DGKA: variants seen among roughly 807,000 people sequenced by gnomAD.
DGKA encodes diacylglycerol kinase alpha, also known as 80 kDa diacylglycerol kinase.
In DGKA, 35 loss-of-function variants were observed where a neutral mutation model predicts 105.0. The ratio of observed to expected loss-of-function variants is 0.33; its 90% CI spans 0.25 to 0.44. The LOEUF (loss-of-function observed/expected upper bound fraction) is 0.44. DGKA is among the 20% of genes least tolerant of loss of function. The pLI, the probability that DGKA is intolerant of heterozygous loss-of-function variation, is 1.00. For synonymous variants in DGKA, 296 were observed against 332.0 expected, an observed-to-expected ratio of 0.89 and a Z score of 1.18; for missense variants, 665 against 915.0, an observed-to-expected ratio of 0.73 and a Z score of 3.53.
Position 55,940,784 on chromosome 12 carries a change from A to G in DGKA, c.1017+62A>G, listed in dbSNP as rs1338820433. ...TGCCTCCCCGATTTCCCACACGCACAGAGTGGCATTTAGAATAGAGAGCTC... is the reference window on the plus strand; with the variant it reads ...TGCCTCCCCGATTTCCCACACGCACGGAGTGGCATTTAGAATAGAGAGCTC... On this transcript the variant is annotated intron_variant, in intron 12 of 23. Transcript: ENST00000331886. The surrounding 1 kb of genome is among the most constrained non-coding windows in gnomAD (Gnocchi z 4.3). 2 of 1,596,002 alleles carry G rather than the reference A, an allele frequency of 1.3e-6. No individual in the cohort carries two copies. Among genetic ancestry groups the G allele is most frequent in the South Asian group, 2.2e-5 (2 of 90,724 alleles).
intron 15 of DGKA, 54 bp from the exon 16 acceptor site, chr12:55,941,943 TG>T: frequency 6.4e-7 from 1 of 1,566,866 alleles, no homozygotes; most frequent in Admixed American, 1.7e-5. Context: ...GCTCAGGACT[TG>T]GGTAGCCTCA....
intron 17 of DGKA, among the ~76,000 whole-genome samples, chr12:55,945,892 C>A (rs1452613863): frequency 6.6e-6 from 1 of 151,554 alleles, no homozygotes; most frequent in Non-Finnish European, 1.5e-5. Flanking sequence ...CTGGCCCAAG[C>A]AATTCTCATG....
intron 1 of DGKA, chr12:55,936,197 G>A: frequency 1.8e-6 from 1 of 556,510 alleles, no homozygotes; most frequent in Non-Finnish European, 2.7e-6. Flanking sequence ...CAGAAATGGA[G>A]AGACAGAGAT....
At chr12:55,944,903 G>A (rs991879928) in intron 17 of DGKA, among the ~76,000 whole-genome samples, 3 of 152,126 alleles carry the variant, frequency 2.0e-5, no homozygotes, top group African/African-American at 7.2e-5. Flanking sequence ...AGGTTCCGGC[G>A]ATTCTCCTGC....
chr12:55,927,407 C>G, upstream of DGKA: 1 of 713,000 alleles, frequency 1.4e-6, no homozygotes, highest in Non-Finnish European at 2.5e-6. Flanking sequence ...AGGAACTCCT[C>G]GTACGTCCAG....
chr12:55,930,357 GTTTTTTTTTT>G (rs1156510868), upstream of DGKA: 6 of 71,810 alleles, frequency 8.4e-5, no homozygotes, highest in African/African-American at 3.3e-4. Context: ...CAAGGGCCTT[GTTTTTTTTTT>G]TTTTTTTTTT....
At position 55,940,643 on chromosome 12, in the gene DGKA, A is replaced by G. The variant is rs200556587; in HGVS notation, c.938A>G (p.Gln313Arg). The G allele has an allele frequency of 8.2e-6, 13 of 1,585,816 alleles. No individual in the cohort carries two copies. The African/African-American group carries it at 1.6e-4, about 20-fold the overall frequency. The change falls in exon 12 of 24, where the codon CAA becomes CGA. Residue 313 changes from glutamine (Q) to arginine (R), a missense_variant. By Grantham distance (43) the Gln-to-Arg change is conservative. Transcript: ENST00000331886. This position sits in a 1 kb window ranked among gnomAD's most constrained non-coding sequence, Gnocchi z 4.3. ...TTTCAGATCCACGATGACTGCCTGCAAGCGGTGGGCCATGAGTGTGACTGT... is the reference window on the plus strand; with the variant it reads ...TTTCAGATCCACGATGACTGCCTGCGAGCGGTGGGCCATGAGTGTGACTGT... ...CHLEIHDDCL[Q>R]AVGHECDCGL...
chr12:55,930,661 C>G (rs556771320), upstream of DGKA: 1 of 152,420 alleles, frequency 6.6e-6, no homozygotes, highest in Admixed American at 6.5e-5. Context: ...CCACCGCGCC[C>G]GGCCTTTGGC....
In DGKA at chr12:55,942,051, A is replaced by G; in HGVS notation, c.1304A>G (p.Asp435Gly). ...AGCCGGATTTTGGTGTGTGGTGGAG[A>G]CGGCACAGTAGGCTGGATTCTAGAG... Reference protein sequence around the residue: ...PDSRILVCGGDGTVGWILETI... With the variant: ...PDSRILVCGGGGTVGWILETI... Residue 435 changes from aspartate to glycine, a missense_variant, in exon 16 of 24, where the codon GAC (aspartate) becomes GGC (glycine). Coordinates refer to ENST00000331886, the MANE Select transcript of DGKA (RefSeq NM_001345.5). 6.2e-7 allele frequency: 1 copy of G among 1,614,036 alleles called. No individual in the cohort carries two copies. The highest frequency in any genetic ancestry group is 8.5e-7 in the Non-Finnish European group (1 of 1,180,028).
rs1565745401 is a variant in DGKA at position 55,941,338 on chromosome 12, A to G, written c.1175+13A>G. 1 of 1,612,290 alleles carries G rather than the reference A, an allele frequency of 6.2e-7. No individual in the cohort carries two copies. Among genetic ancestry groups the G allele is most frequent in the Non-Finnish European group, 8.5e-7 (1 of 1,178,660 alleles). ...AGCAGGGGCAAAGGTGAGGAGAAAT[A>G]TATTGGGTCTTCTAAGATGAGAGGC... On this transcript the variant is annotated intron_variant, in intron 14 of 23. Coordinates refer to ENST00000331886, the MANE Select transcript of DGKA (RefSeq NM_001345.5).
chr12:55,945,192 G>A (rs1886764763), intron 17 of DGKA, among the ~76,000 whole-genome samples: 1 of 152,158 alleles, frequency 6.6e-6, no homozygotes, highest in Non-Finnish European at 1.5e-5. Flanking sequence ...TGTTGTGGTG[G>A]GTGGTTAGAA....
rs1885664249 is a variant in DGKA at position 55,940,418 on chromosome 12, A to G, written c.903A>G (p.Val301=). Residue 301 remains valine, a synonymous_variant, in exon 11 of 24, where the codon GTA becomes GTG. Coordinates refer to ENST00000331886, the MANE Select transcript of DGKA (RefSeq NM_001345.5). This position sits in a 1 kb window ranked among gnomAD's most constrained non-coding sequence, Gnocchi z 4.3. Reference sequence around the variant, plus strand: ...ACAGTCTGACCGGGCTGCATTGTGTATGGTGCCACCTAGAGGTCAGTTTGG... The same window carrying G: ...ACAGTCTGACCGGGCTGCATTGTGTGTGGTGCCACCTAGAGGTCAGTTTGG... ...IYHSLTGLHC[V]WCHLEIHDDC... 1.2e-6 allele frequency: 2 copies of G among 1,614,082 alleles called. No individual in the cohort carries two copies. The highest frequency in any genetic ancestry group is 1.1e-5 in the South Asian group (1 of 91,090).
chr12:55,949,168 GCA>G lies in DGKA; in HGVS notation c.1427-2438_1427-2437del, dbSNP rs139522411. On this transcript the variant is annotated intron_variant, in intron 17 of 23. Coordinates refer to ENST00000331886, the MANE Select transcript of DGKA (RefSeq NM_001345.5). ...GTCATTTTTCTGTTTTTACATGCAT[GCA>G]CACACACACACACACATATGCATAA... Among the ~76,000 whole-genome samples the G allele has an allele frequency of 2.6e-3, 390 of 149,070 alleles. 1 individual carries two copies. Among genetic ancestry groups the G allele is most frequent in the Non-Finnish European group, 4.4e-3 (292 of 66,956 alleles).
chr12:55,937,890 A>T, intron 4 of DGKA, 88 bp from the exon 5 acceptor site: 1 of 1,212,246 alleles, frequency 8.2e-7, no homozygotes, highest in Non-Finnish European at 1.2e-6. Context: ...CTTTTTTTTA[A>T]AAAAAGGGAG....
chr12:55,927,470 T>C, upstream of DGKA: 1 of 695,496 alleles, frequency 1.4e-6, no homozygotes, highest in South Asian at 1.6e-5. Context: ...AAGGGGGCCT[T>C]ATAAATGAAG....
rs201688732 is a variant in DGKA, at chr12:55,940,300, C to T, written c.799-14C>T. ...TCAGACCCTGCCAGACAAGGAACTG[C>T]CTTTCTCCCCAAGGTCCAATCACAT... is the stretch of plus-strand genomic sequence containing the variant. On this transcript the variant is annotated splice_polypyrimidine_tract_variant and intron_variant, in intron 10 of 23. Coordinates refer to ENST00000331886, the MANE Select transcript of DGKA (RefSeq NM_001345.5). The surrounding 1 kb of genome is among the most constrained non-coding windows in gnomAD (Gnocchi z 4.3). 3.8e-5 allele frequency: 62 copies of T among 1,614,280 alleles called. No homozygotes were observed. Among genetic ancestry groups the T allele is most frequent in the Middle Eastern group, 1.6e-4 (1 of 6,062 alleles).
intron 17 of DGKA, chr12:55,942,740 C>T: frequency 5.1e-6 from 1 of 195,442 alleles, no homozygotes; most frequent in Admixed American, 5.3e-5. Context: ...TCTCTTATGC[C>T]TTTCAAACAG....
In DGKA at chr12:55,952,752, G is replaced by C; in HGVS notation, c.1762G>C (p.Asp588His). 1 of 1,614,054 alleles carries C rather than the reference G, an allele frequency of 6.2e-7. No homozygotes were observed. The highest frequency in any genetic ancestry group is 8.5e-7 in the Non-Finnish European group (1 of 1,180,026). The change falls in exon 21 of 24, where the codon GAT (aspartate) becomes CAT (histidine). Residue 588 changes from aspartate to histidine, a missense_variant. By Grantham distance (81) the Asp-to-His change is moderately conservative. Transcript: ENST00000331886. This position sits in a 1 kb window ranked among gnomAD's most constrained non-coding sequence, Gnocchi z 5.1. ...CTCTCAGATCTGTGGGAAACCGCTG[G>C]ATCTGAGCAACCTGTCCCTAGAAGG... ...LTVEICGKPL[D>H]LSNLSLEGIA...
At chr12:55,927,709 G>C (rs1358348733), upstream of DGKA, 4 of 1,539,242 alleles carry the variant, frequency 2.6e-6, no homozygotes, top group Non-Finnish European at 3.5e-6. Flanking sequence ...GGCGGAGGGC[G>C]CCGCGGGTCG....
Sources: gnomAD v4.1 joint callset for allele counts (sites outside exome capture counted in the v4.1 genomes callset) on GRCh38, gnomAD v4.1.1 for gene constraint, Gnocchi (gnomAD v3.1) non-coding constraint, MANE v1.5 for transcripts, NCBI Gene and HGNC (gene_info 2026-07-23, HGNC 2026-07-21) for gene names.